METTL5: variants seen among roughly 807,000 people sequenced by gnomAD.
The protein encoded by METTL5 is rRNA N(6)-adenosine-methyltransferase METTL5.
A neutral mutation model predicts 26.5 loss-of-function variants in METTL5; 28 were observed. The observed-to-expected ratio is 1.06, with a 90% CI of 0.78 to 1.45. The LOEUF (loss-of-function observed/expected upper bound fraction) is 1.45, where lower values mean the gene tolerates loss of function less well. METTL5 is among the 40% of genes most tolerant of loss of function. The probability of loss-of-function intolerance (pLI) is 0.00; values close to 1 mark genes in which losing one functional copy is unlikely to be tolerated. For missense variants in METTL5, 231 were observed against 249.9 expected, an observed-to-expected ratio of 0.92 and a Z score of 0.51; for synonymous variants, 86 against 82.6, an observed-to-expected ratio of 1.04 and a Z score of -0.22.
chr2:169,821,795 C>A (rs2081588405), intron 2 of METTL5, 148 bp downstream of exon 2: 1 of 641,744 alleles, frequency 1.6e-6, no homozygotes. Context: ...TTGTTTAGAT[C>A]TTCTGCCCAT....
intron 4 of METTL5, 49 bp downstream of exon 4, chr2:169,819,512 C>A (rs1319813177): frequency 2.1e-6 from 3 of 1,405,450 alleles, no homozygotes; most frequent in South Asian, 2.3e-5. Context: ...AAAACACTGT[C>A]ATGAATTTAA....
At chr2:169,811,898 T>C (rs1051408) in intron 6 of METTL5, 40 bp from the exon 7 acceptor site, 2 of 1,598,882 alleles carry the variant, frequency 1.3e-6, no homozygotes, top group African/African-American at 1.3e-5. Context: ...TTAACTTGTC[T>C]TTTTGTTATG....
chr2:169,814,956 A>AT (rs1428825403), intron 5 of METTL5, among the ~76,000 whole-genome samples: 1 of 150,958 alleles, frequency 6.6e-6, no homozygotes, highest in Non-Finnish European at 1.5e-5. Flanking sequence ...CAGTGGTGCG[A>AT]TCTCGGCTCA....
chr2:169,815,544 A>G lies in METTL5; in HGVS notation c.490-16T>C. The G allele has an allele frequency of 1.3e-6, 2 of 1,567,450 alleles. No individual in the cohort carries two copies. The highest frequency in any genetic ancestry group is 1.4e-5 in the African/African-American group (1 of 73,570). ...TTTGAACATGCTGAACATAAATAATATGTTGTTATGAGCTGATTTTTAAAT... is the reference window on the plus strand; with the variant it reads ...TTTGAACATGCTGAACATAAATAATGTGTTGTTATGAGCTGATTTTTAAAT... On this transcript the variant is annotated splice_polypyrimidine_tract_variant and intron_variant, in intron 4 of 6. Coordinates refer to ENST00000260953, the MANE Select transcript of METTL5 (RefSeq NM_014168.4).
intron 6 of METTL5, 56 bp from the exon 7 acceptor site, chr2:169,811,914 G>A (rs375155219): frequency 6.4e-7 from 1 of 1,564,758 alleles, no homozygotes; most frequent in African/African-American, 1.4e-5. Context: ...TTATGCAAAT[G>A]AGATTTCTTT....
At chr2:169,812,305 A>G (rs918801043) in intron 6 of METTL5, 152 bp downstream of exon 6, 1 of 1,324,326 alleles carries the variant, frequency 7.6e-7, no homozygotes, top group Admixed American at 1.8e-5. Flanking sequence ...CAGTGGGGCA[A>G]TCTCAGCTCA....
At chr2:169,821,019 T>C in intron 3 of METTL5, 73 bp downstream of exon 3, 1 of 1,294,296 alleles carries the variant, frequency 7.7e-7, no homozygotes, top group Non-Finnish European at 1.1e-6. Context: ...CCTGAGCCAC[T>C]GCGCCTGGCC....
Position 169,824,628 on chromosome 2 carries a change from G to A in METTL5, c.-31C>T, listed in dbSNP as rs1312967182. On this transcript the variant is annotated 5_prime_UTR_variant, in exon 1 of 7. Transcript: ENST00000260953. ...TTTAAAGTATGGACTCGTAGGGTTTGAAGGCACAGGATCTGCGGAGAAATC... is the reference window on the plus strand; with the variant it reads ...TTTAAAGTATGGACTCGTAGGGTTTAAAGGCACAGGATCTGCGGAGAAATC... 6.7e-7 allele frequency: 1 copy of A among 1,490,330 alleles called. No individual in the cohort carries two copies. Among genetic ancestry groups the A allele is most frequent in the Non-Finnish European group, 9.4e-7 (1 of 1,067,234 alleles). 92.3% of individuals were successfully genotyped at this position (1,490,330 alleles called of 1,614,324 possible).
intron 5 of METTL5, 132 bp from the exon 6 acceptor site, chr2:169,812,638 C>G (rs928597248): frequency 1.0e-6 from 1 of 958,394 alleles, no homozygotes; most frequent in South Asian, 1.7e-5. Context: ...GAACCTTTAA[C>G]TTATCCAAGT....
chr2:169,812,188 T>A (rs985658911), intron 6 of METTL5: 21 of 587,124 alleles, frequency 3.6e-5, no homozygotes, highest in African/African-American at 3.2e-4. Context: ...GCTTTGTATA[T>A]TTACACAGGA....
At chr2:169,824,263 A>C in intron 1 of METTL5, 2 of 440,276 alleles carry the variant, frequency 4.5e-6, no homozygotes, top group South Asian at 8.1e-5. Flanking sequence ...GATGTCTGGC[A>C]GTGTTAAGGG....
chr2:169,818,969 GGCA>G (rs1343084521), intron 4 of METTL5, among the ~76,000 whole-genome samples: 2 of 152,200 alleles, frequency 1.3e-5, no homozygotes, highest in African/African-American at 4.8e-5. Context: ...ACAGCTGGGA[GGCA>G]GCAGAACTTG....
intron 6 of METTL5, 79 bp downstream of exon 6, chr2:169,812,378 T>C: frequency 6.2e-7 from 1 of 1,611,190 alleles, no homozygotes; most frequent in East Asian, 2.2e-5. Flanking sequence ...GTAGCTGGGA[T>C]TACAGGCATG....
Position 169,821,106 on chromosome 2 carries a change from G to A in METTL5, c.392C>T (p.Thr131Ile), listed in dbSNP as rs749280213. ...TTGTTACAAACCTTTATTATTTTTGGTCCCAAAGGGAGGATTCATAATTAC... is the reference window on the plus strand; with the variant it reads ...TTGTTACAAACCTTTATTATTTTTGATCCCAAAGGGAGGATTCATAATTAC... ...DTVIMNPPFG[T>I]KNNKGTDMAF... Residue 131 changes from threonine (T) to isoleucine (I), a missense_variant, in exon 3 of 7, where the codon ACC (threonine) becomes ATC (isoleucine). By Grantham distance (89) the Thr-to-Ile change is moderately conservative (BLOSUM62 -1). Coordinates refer to ENST00000260953, the MANE Select transcript of METTL5 (RefSeq NM_014168.4). 5.0e-6 allele frequency: 8 copies of A among 1,588,286 alleles called. No homozygotes were observed. In the Admixed American group the frequency reaches 7.5e-5, roughly 15 times the overall value.
chr2:169,818,294 G>A (rs536345537), intron 4 of METTL5, among the ~76,000 whole-genome samples: 4 of 152,306 alleles, frequency 2.6e-5, no homozygotes, highest in East Asian at 1.9e-4. Flanking sequence ...ACTGGCAGAA[G>A]ACTCCAGAAG....
At chr2:169,823,186 C>G (rs960857446) in intron 1 of METTL5, among the ~76,000 whole-genome samples, 3 of 152,000 alleles carry the variant, frequency 2.0e-5, no homozygotes, top group African/African-American at 7.3e-5. Flanking sequence ...ACTGTATTGC[C>G]CAGGCTGATC....
chr2:169,812,641 ATCCAAGTAGTGACTTC>A (rs2105708737), intron 5 of METTL5, 135 bp from the exon 6 acceptor site: 1 of 918,788 alleles, frequency 1.1e-6, no homozygotes, highest in African/African-American at 1.7e-5. Context: ...CCTTTAACTT[ATCCAAGTAGTGACTTC>A]TGTATTCCTA....
Position 169,822,052 on chromosome 2 carries a change from T to C in METTL5, c.115A>G (p.Met39Val), listed in dbSNP as rs763626515. The C allele has an allele frequency of 3.1e-6, 5 of 1,594,028 alleles. No homozygotes were observed. The highest frequency in any genetic ancestry group is 4.3e-6 in the Non-Finnish European group (5 of 1,175,670). The change falls in exon 2 of 7, where the codon ATG becomes GTG. Residue 39 changes from methionine (M) to valine (V), a missense_variant. Coordinates refer to ENST00000260953, the MANE Select transcript of METTL5 (RefSeq NM_014168.4). ...YPTRPHIAACMLYTIHNTYDD... is the reference protein window; with the variant it reads ...YPTRPHIAACVLYTIHNTYDD... ...TAAGTGTTATGGATTGTATAGAGCA[T>C]ACATGCTAAAAAATAAAAAAAAAAA...
intron 3 of METTL5, among the ~76,000 whole-genome samples, chr2:169,820,485 C>T (rs2081569325): frequency 6.6e-6 from 1 of 152,084 alleles, no homozygotes; most frequent in African/African-American, 2.4e-5. Context: ...GGGAGATATA[C>T]AATAAATGAC....
Sources: gnomAD v4.1 joint callset for allele counts (sites outside exome capture counted in the v4.1 genomes callset) on GRCh38, gnomAD v4.1.1 for gene constraint, MANE v1.5 for transcripts, NCBI Gene and HGNC (gene_info 2026-07-23, HGNC 2026-07-21) for gene names.